The following UBAP2 variants were observed in gnomAD, a reference collection of about 807,000 sequenced individuals.
UBAP2 encodes the protein ubiquitin associated protein 2.
A neutral mutation model predicts 139.6 loss-of-function variants in UBAP2; 75 were observed. The observed-to-expected ratio is 0.54, with a 90% CI of 0.45 to 0.65. The LOEUF (loss-of-function observed/expected upper bound fraction) is 0.65, where lower values mean the gene tolerates loss of function less well. UBAP2 is among the 30% of genes least tolerant of loss of function. The pLI is 0.00. For synonymous variants in UBAP2, 526 were observed against 526.2 expected, an observed-to-expected ratio of 1.00 and a Z score of 0.01; for missense variants, 1,368 against 1,369.6, an observed-to-expected ratio of 1.00 and a Z score of 0.02.
At chr9:34,040,249 G>A (rs1428188456) in intron 1 of UBAP2, among the ~76,000 whole-genome samples, 1 of 145,734 alleles carries the variant, frequency 6.9e-6, no homozygotes, top group Non-Finnish European at 1.5e-5. Context: ...CCTTAAACTC[G>A]GGAGGCGGAG....
intron 2 of UBAP2, among the ~76,000 whole-genome samples, chr9:34,012,033 A>G (rs1018330150): frequency 1.1e-4 from 17 of 152,218 alleles, no homozygotes; most frequent in African/African-American, 4.1e-4. Flanking sequence ...TTAATGTTCA[A>G]CAGTTTTGCA....
chr9:33,922,446 CGT>C lies in UBAP2; in HGVS notation c.*56_*57del. The C allele has an allele frequency of 6.5e-7, 1 of 1,538,616 alleles. No homozygotes were observed. Among genetic ancestry groups the C allele is most frequent in the Non-Finnish European group, 8.9e-7 (1 of 1,124,760 alleles). On this transcript the variant is annotated 3_prime_UTR_variant, in exon 29 of 29. Transcript: ENST00000379238. ...GGCACTGGGCTCCCAAATACGTGCT[CGT>C]GTGTTCTCTCCTGCCCAGGATAAGC...
chr9:34,041,372 G>T lies in UBAP2; in HGVS notation c.-42+7453C>A, dbSNP rs1427569876. On this transcript the variant is annotated intron_variant, in intron 1 of 28. Transcript: ENST00000379238. Reference sequence around the variant, plus strand: ...CCCAGCTACTTGGGAGGCTGAGGCAGGAGAATTGCTTGAACCCAGGAGGCA... The same window carrying T: ...CCCAGCTACTTGGGAGGCTGAGGCATGAGAATTGCTTGAACCCAGGAGGCA... 2.6e-5 allele frequency among the ~76,000 whole-genome samples: 4 copies of T among 151,276 alleles called. No homozygotes were observed. The South Asian group carries it at 6.2e-4, about 24-fold the overall frequency.
At chr9:34,015,292 G>A (rs1824150395) in intron 2 of UBAP2, among the ~76,000 whole-genome samples, 2 of 152,066 alleles carry the variant, frequency 1.3e-5, no homozygotes, top group African/African-American at 4.8e-5. Context: ...GGAGGAGGGA[G>A]TATTTAACAT....
intron 1 of UBAP2, among the ~76,000 whole-genome samples, chr9:34,045,299 T>C (rs189512070): frequency 6.8e-4 from 102 of 151,054 alleles, no homozygotes; most frequent in African/African-American, 1.2e-3. Context: ...TGAGCCGAGA[T>C]TGCACCACTG....
At chr9:33,939,110 G>C (rs1814361360) in intron 16 of UBAP2, among the ~76,000 whole-genome samples, 1 of 149,296 alleles carries the variant, frequency 6.7e-6, no homozygotes. Flanking sequence ...ATTCCTGTTT[G>C]TGATTTTATG....
At chr9:33,940,003 G>A (rs969922422) in intron 16 of UBAP2, among the ~76,000 whole-genome samples, 29 of 143,012 alleles carry the variant, frequency 2.0e-4, no homozygotes, top group Non-Finnish European at 4.0e-4. Flanking sequence ...TGAGGAGGAG[G>A]GGAAAGAGGA....
At chr9:33,965,427 G>A (rs1443536204) in intron 8 of UBAP2, among the ~76,000 whole-genome samples, 1 of 152,026 alleles carries the variant, frequency 6.6e-6, no homozygotes, top group Non-Finnish European at 1.5e-5. Flanking sequence ...TTTCTCTTCA[G>A]AAGAATTTTA....
At chr9:34,015,750 G>A (rs1040622084) in intron 2 of UBAP2, among the ~76,000 whole-genome samples, 2 of 152,134 alleles carry the variant, frequency 1.3e-5, no homozygotes, top group Non-Finnish European at 2.9e-5. Context: ...CCAGGCTGGA[G>A]TGCAGTAGCA....
At chr9:33,985,034 C>T (rs940071125) in intron 6 of UBAP2, among the ~76,000 whole-genome samples, 2 of 152,132 alleles carry the variant, frequency 1.3e-5, no homozygotes, top group African/African-American at 4.8e-5. Flanking sequence ...ACTGGTACAG[C>T]CATTTTGGAA....
Position 33,923,285 on chromosome 9 carries a change from C to G in UBAP2, c.2905G>C (p.Asp969His). 2 of 1,614,132 alleles carry G rather than the reference C, an allele frequency of 1.2e-6. No individual in the cohort carries two copies. Among genetic ancestry groups the G allele is most frequent in the South Asian group, 2.2e-5 (2 of 91,066 alleles). ...CCTGCTGCTGTCCCCTGGGTCAGGT[C>G]GTCATAACCTAGCGTGGCAGGGTAC... ...GQHGYSTGYD[D>H]LTQGTAAGDY... The change falls in exon 26 of 29, where the codon GAC becomes CAC. Residue 969 changes from aspartate (D) to histidine (H), a missense_variant. Asp to His is a moderately conservative substitution (Grantham distance 81). Transcript: ENST00000379238.
chr9:33,957,358 C>T (rs11788811), intron 10 of UBAP2, among the ~76,000 whole-genome samples: 1 of 152,144 alleles, frequency 6.6e-6, no homozygotes, highest in Non-Finnish European at 1.5e-5. Context: ...GGACGGTGAA[C>T]ATATTCTTTA....
At chr9:33,934,919 C>G (rs529027024) in intron 17 of UBAP2, among the ~76,000 whole-genome samples, 2 of 152,278 alleles carry the variant, frequency 1.3e-5, no homozygotes, top group East Asian at 3.9e-4. Context: ...AAACCAAAAT[C>G]CTGGGGCTCC....
In UBAP2 at chr9:33,927,815, C is replaced by T. The variant is rs369742646; in HGVS notation, c.2353G>A (p.Ala785Thr). The T allele has an allele frequency of 4.5e-5, 73 of 1,612,328 alleles. No homozygotes were observed. The African/African-American group carries it at 8.1e-4, about 18-fold the overall frequency. The change falls in exon 20 of 29, where the codon GCG becomes ACG. Residue 785 changes from alanine to threonine, a missense_variant. Physicochemically the swap from Ala to Thr is moderately conservative, Grantham distance 58. Transcript: ENST00000379238. ...ASASSSSSRA[A>T]PLVTSGKAPP... ...CAAATACCTGAGGTCACCAAGGGCG[C>T]GGCCCTGCTACTGCTGCTGGATGCA...
chr9:34,009,419 A>C (rs1348234920), intron 2 of UBAP2, among the ~76,000 whole-genome samples: 1 of 151,710 alleles, frequency 6.6e-6, no homozygotes, highest in South Asian at 2.1e-4. Flanking sequence ...TTTTCTTATA[A>C]ATTTTTTAAA....
At chr9:34,038,803 C>T (rs1440571697) in intron 1 of UBAP2, among the ~76,000 whole-genome samples, 1 of 150,996 alleles carries the variant, frequency 6.6e-6, no homozygotes, top group African/African-American at 2.4e-5. Flanking sequence ...GTGAGGAGCG[C>T]CTCTTCCTGG....
rs144145639 is a variant in UBAP2, at chr9:33,927,974, C to T, written c.2194G>A (p.Ala732Thr). The change falls in exon 20 of 29, where the codon GCC (alanine) becomes ACC (threonine). Residue 732 changes from alanine (A) to threonine (T), a missense_variant. Coordinates refer to ENST00000379238, the MANE Select transcript of UBAP2 (RefSeq NM_001370062.2). ...GTGGCTGAGGACTGGTGGGAAGAGG[C>T]GCTCTCCACACTGGCATGCTGGCAA... Reference protein sequence around the residue: ...TSHTHASVESASSHQSSATFS... With the variant: ...TSHTHASVESTSSHQSSATFS... 33 of 1,612,758 alleles carry T rather than the reference C, an allele frequency of 2.0e-5. No homozygotes were observed. The African/African-American group carries it at 3.1e-4, about 15-fold the overall frequency.
rs769141068 is a variant in UBAP2 at position 33,960,810 on chromosome 9, G to C, written c.798+16C>G. On this transcript the variant is annotated intron_variant, in intron 10 of 28. Coordinates refer to ENST00000379238, the MANE Select transcript of UBAP2 (RefSeq NM_001370062.2). ...AAAAAAAAAAAGAAAGGTCTCATCT[G>C]ACAGCAAACACTTACATCTTCAGTC... The C allele has an allele frequency of 6.2e-7, 1 of 1,601,536 alleles. No individual in the cohort carries two copies. Among genetic ancestry groups the C allele is most frequent in the East Asian group, 2.2e-5 (1 of 44,792 alleles).
chr9:34,030,309 C>A (rs959439809), intron 1 of UBAP2, among the ~76,000 whole-genome samples: 2 of 151,902 alleles, frequency 1.3e-5, no homozygotes, highest in African/African-American at 4.8e-5. Flanking sequence ...ATTAGCCAGG[C>A]GTGGTGGCGG....
Sources: gnomAD v4.1 joint callset for allele counts (sites outside exome capture counted in the v4.1 genomes callset) on GRCh38, gnomAD v4.1.1 for gene constraint, MANE v1.5 for transcripts, NCBI Gene and HGNC (gene_info 2026-07-23, HGNC 2026-07-21) for gene names.